The following PTPRR variants were observed in gnomAD, a reference collection of about 807,000 sequenced individuals.
The protein encoded by PTPRR is protein tyrosine phosphatase receptor type R, also known as receptor-type tyrosine-protein phosphatase R.
Under a neutral mutation model 77.2 loss-of-function variants are expected in PTPRR, and 38 were observed. That is an observed-to-expected ratio of 0.49 (90% CI 0.38 to 0.65). PTPRR has a LOEUF of 0.65. Among genes scored for constraint, PTPRR ranks in the 30% least tolerant of loss-of-function variants. The probability of loss-of-function intolerance (pLI) is 0.00; values close to 1 mark genes in which losing one functional copy is unlikely to be tolerated. For missense variants in PTPRR, 744 were observed against 799.2 expected (o/e 0.93, Z 0.83); for synonymous variants, 299 against 283.1 (o/e 1.06, Z -0.57).
At chr12:70,768,706 A>T (rs1475466545) in intron 2 of PTPRR, among the ~76,000 whole-genome samples, 2 of 152,210 alleles carry the variant, frequency 1.3e-5, no homozygotes, top group African/African-American at 4.8e-5. Flanking sequence ...GATACAACAA[A>T]AAAAGAGAAT....
rs573529690 is a variant in PTPRR at position 70,655,121 on chromosome 12, A to G, written c.1880+1583T>C. On this transcript the variant is annotated intron_variant, in intron 13 of 13. Coordinates refer to ENST00000283228, the MANE Select transcript of PTPRR (RefSeq NM_002849.4). ...AAGGAAGAAGAGAAGTTTCTTGTTT[A>G]TCTTGTTTTCAAAACAAATGGAGAT... 2.6e-5 allele frequency among the ~76,000 whole-genome samples: 4 copies of G among 152,334 alleles called. No homozygotes were observed. The South Asian group carries it at 8.3e-4, about 32-fold the overall frequency.
At chr12:70,669,786 G>C (rs1254870716) in intron 10 of PTPRR, among the ~76,000 whole-genome samples, 3 of 151,964 alleles carry the variant, frequency 2.0e-5, no homozygotes, top group Non-Finnish European at 4.4e-5. Flanking sequence ...CATTTGTAGA[G>C]ACAAGGTATC....
chr12:70,788,990 C>T, intron 2 of PTPRR: 1 of 903,954 alleles, frequency 1.1e-6, no homozygotes, highest in Non-Finnish European at 1.5e-6. Context: ...TTTCTAGAGA[C>T]ACTGCGGATC....
intron 1 of PTPRR, among the ~76,000 whole-genome samples, chr12:70,902,874 A>T (rs1893562390): frequency 2.0e-5 from 3 of 151,784 alleles, no homozygotes; most frequent in Non-Finnish European, 2.9e-5. Context: ...CTGTACCCCC[A>T]ATAACTTATG....
intron 10 of PTPRR, among the ~76,000 whole-genome samples, chr12:70,679,651 C>CT (rs572031377): frequency 1.2e-3 from 187 of 151,700 alleles, no homozygotes; most frequent in African/African-American, 4.3e-3. Context: ...CTTCTTTGTG[C>CT]TTTTTTGTGA....
At chr12:70,739,452 T>C (rs1318960703) in intron 6 of PTPRR, among the ~76,000 whole-genome samples, 1 of 152,324 alleles carries the variant, frequency 6.6e-6, no homozygotes. Context: ...CATTAAGCTA[T>C]TGGTTCTTAT....
At chr12:70,723,121 C>T (rs1889317642) in intron 6 of PTPRR, among the ~76,000 whole-genome samples, 1 of 152,150 alleles carries the variant, frequency 6.6e-6, no homozygotes, top group African/African-American at 2.4e-5. Context: ...GGAGCATGAA[C>T]AGCAAGCACA....
chr12:70,720,866 C>A, intron 6 of PTPRR, among the ~76,000 whole-genome samples: 1 of 152,130 alleles, frequency 6.6e-6, no homozygotes, highest in Non-Finnish European at 1.5e-5. Flanking sequence ...AATCTTATTT[C>A]ACCCCACTCC....
chr12:70,875,129 C>T (rs773953958), intron 2 of PTPRR, among the ~76,000 whole-genome samples: 2 of 151,870 alleles, frequency 1.3e-5, no homozygotes, highest in Non-Finnish European at 2.9e-5. Context: ...AAGTAATATG[C>T]ACCATTAAAA....
intron 2 of PTPRR, among the ~76,000 whole-genome samples, chr12:70,859,394 T>A (rs1190399374): frequency 6.6e-6 from 1 of 152,080 alleles, no homozygotes; most frequent in Non-Finnish European, 1.5e-5. Context: ...GGTTGACAAC[T>A]ACTGACATAG....
chr12:70,765,539 C>G (rs1406972170), intron 2 of PTPRR, among the ~76,000 whole-genome samples: 1 of 152,206 alleles, frequency 6.6e-6, no homozygotes, highest in African/African-American at 2.4e-5. Flanking sequence ...CACCACAGCT[C>G]AAGGAGGCCT....
chr12:70,815,922 A>G (rs571369314), intron 2 of PTPRR, among the ~76,000 whole-genome samples: 90 of 152,268 alleles, frequency 5.9e-4, no homozygotes, highest in African/African-American at 2.0e-3. Flanking sequence ...TGACAGACAC[A>G]TATATAGCTT....
intron 2 of PTPRR, among the ~76,000 whole-genome samples, chr12:70,842,536 T>C (rs1363231745): frequency 1.3e-5 from 2 of 152,206 alleles, no homozygotes; most frequent in African/African-American, 4.8e-5. Flanking sequence ...GAGAATCTGT[T>C]CTTTGCCTCT....
At chr12:70,713,900 C>T (rs556690907) in intron 6 of PTPRR, among the ~76,000 whole-genome samples, 2 of 152,134 alleles carry the variant, frequency 1.3e-5, no homozygotes, top group Middle Eastern at 3.4e-3. Context: ...CATGGTTTGC[C>T]TGGGTATTTG....
At chr12:70,858,521 C>T (rs890063673) in intron 2 of PTPRR, among the ~76,000 whole-genome samples, 1 of 151,992 alleles carries the variant, frequency 6.6e-6, no homozygotes, top group Non-Finnish European at 1.5e-5. Flanking sequence ...CAAGATCATG[C>T]CTTTTGTGGA....
chr12:70,824,599 T>A (rs964862951), intron 2 of PTPRR, among the ~76,000 whole-genome samples: 3 of 152,168 alleles, frequency 2.0e-5, no homozygotes, highest in Non-Finnish European at 4.4e-5. Flanking sequence ...ATCAGCATTC[T>A]CTTGAATGAC....
chr12:70,761,689 T>C (rs756595355), intron 3 of PTPRR, 63 bp from the exon 4 acceptor site: 5 of 1,291,114 alleles, frequency 3.9e-6, no homozygotes, highest in Non-Finnish European at 5.2e-6. Flanking sequence ...ATAATATTTT[T>C]ACCTGTCCTT....
chr12:70,863,096 T>C lies in PTPRR; in HGVS notation c.357+29583A>G, dbSNP rs1892781888. The stretch of plus-strand genomic sequence containing the variant: ...CTAGAGGTCTAACCCTACTCTTTGC[T>C]TTTACAGACACTTATAATACGTAAT... On this transcript the variant is annotated intron_variant, in intron 2 of 13. Transcript: ENST00000283228. Among the ~76,000 whole-genome samples the C allele has an allele frequency of 1.3e-5, 2 of 152,202 alleles. 1 individual carries two copies. The highest frequency in any genetic ancestry group is 1.3e-4 in the Admixed American group (2 of 15,270).
chr12:70,700,705 A>T (rs1183397310), intron 7 of PTPRR, among the ~76,000 whole-genome samples: 1 of 152,212 alleles, frequency 6.6e-6, no homozygotes, highest in Non-Finnish European at 1.5e-5. Context: ...AAATAGAATG[A>T]TCTATCCAAA....
Sources: gnomAD v4.1 joint callset for allele counts (sites outside exome capture counted in the v4.1 genomes callset) on GRCh38, gnomAD v4.1.1 for gene constraint, MANE v1.5 for transcripts, NCBI Gene and HGNC (gene_info 2026-07-23, HGNC 2026-07-21) for gene names.